Variants in C1orf159 observed in about 807,000 individuals in gnomAD.
C1orf159 encodes chromosome 1 open reading frame 159.
In C1orf159, 19 loss-of-function variants were observed where a neutral mutation model predicts 25.6. The observed-to-expected ratio is 0.74, with a 90% CI of 0.52 to 1.09. The LOEUF (loss-of-function observed/expected upper bound fraction) is 1.09, where lower values mean the gene tolerates loss of function less well. C1orf159 is among the 50% of genes least tolerant of loss of function. The probability of loss-of-function intolerance (pLI) is 0.00; values close to 1 mark genes in which losing one functional copy is unlikely to be tolerated. For missense variants in C1orf159, 274 were observed against 290.6 expected (o/e 0.94, Z 0.42); for synonymous variants, 139 against 124.7 (o/e 1.12, Z -0.77).
chr1:1,084,004 G>A (rs765344600), intron 9 of C1orf159: 21 of 1,605,110 alleles, frequency 1.3e-5, no homozygotes, highest in South Asian at 2.2e-5. Flanking sequence ...GTCTGTCCTC[G>A]GGTGGAGCTG....
intron 1 of C1orf159, among the ~76,000 whole-genome samples, chr1:1,099,383 T>C (rs12731087): frequency 2.8e-5 from 4 of 141,092 alleles, no homozygotes; most frequent in African/African-American, 8.3e-5. Context: ...GTTTTTGGTC[T>C]ATTCTAAGAA....
chr1:1,086,870 CTG>C (rs1444309376), intron 6 of C1orf159, among the ~76,000 whole-genome samples: 1 of 152,078 alleles, frequency 6.6e-6, no homozygotes, highest in Non-Finnish European at 1.5e-5. Context: ...TGGCTGTGAG[CTG>C]TGTGACCCTG....
At chr1:1,098,859 G>A (rs541151327) in intron 1 of C1orf159, among the ~76,000 whole-genome samples, 25 of 152,208 alleles carry the variant, frequency 1.6e-4, no homozygotes, top group Non-Finnish European at 2.4e-4. Context: ...TGATCCACCC[G>A]ACTCGGGCTC....
intron 1 of C1orf159, among the ~76,000 whole-genome samples, chr1:1,103,781 A>C (rs1424623396): frequency 2.0e-5 from 3 of 152,168 alleles, no homozygotes; most frequent in Non-Finnish European, 4.4e-5. Context: ...CCCAGGCAGA[A>C]ATGCAGTGGC....
At position 1,099,762 on chromosome 1, in the gene C1orf159, T is replaced by G. The variant is rs530198177; in HGVS notation, c.-135-7659A>C. 8.5e-5 allele frequency among the ~76,000 whole-genome samples: 13 copies of G among 152,214 alleles called. No homozygotes were observed. The East Asian group carries it at 2.5e-3, about 29-fold the overall frequency. ...ATTGTGGATTGTCTATTGCTGTTTT[T>G]GGTCTATTGTTCTAAGAATCGGAGA... is the stretch of plus-strand genomic sequence containing the variant. On this transcript the variant is annotated intron_variant, in intron 1 of 9. Transcript: ENST00000421241.
At chr1:1,104,861 G>A (rs1646150031) in intron 1 of C1orf159, among the ~76,000 whole-genome samples, 1 of 152,150 alleles carries the variant, frequency 6.6e-6, no homozygotes, top group East Asian at 1.9e-4. Context: ...GAGAACATGG[G>A]CTGAAAGGAT....
chr1:1,097,573 C>G (rs1374719541), intron 1 of C1orf159, among the ~76,000 whole-genome samples: 1 of 149,848 alleles, frequency 6.7e-6, no homozygotes, highest in Non-Finnish European at 1.5e-5. Context: ...CCACCACACC[C>G]AGCTCATTAA....
intron 1 of C1orf159, among the ~76,000 whole-genome samples, chr1:1,098,006 A>AGC (rs1646032990): frequency 1.3e-5 from 2 of 151,892 alleles, no homozygotes; most frequent in African/African-American, 4.8e-5. Flanking sequence ...TTTTGATGTT[A>AGC]TATTTTCATT....
intron 2 of C1orf159, 80 bp downstream of exon 2, chr1:1,091,911 C>A: frequency 2.2e-6 from 1 of 453,178 alleles, no homozygotes; most frequent in South Asian, 1.7e-5. Context: ...GAAGGTGGAG[C>A]CAAATGGAGG....
intron 1 of C1orf159, among the ~76,000 whole-genome samples, chr1:1,113,455 C>T (rs1415993679): frequency 3.3e-5 from 5 of 152,262 alleles, no homozygotes; most frequent in African/African-American, 9.6e-5. Flanking sequence ...TGCATCGTTG[C>T]GATCTCGGCT....
At chr1:1,091,663 G>A in intron 2 of C1orf159, 98 bp from the exon 3 acceptor site, 1 of 863,956 alleles carries the variant, frequency 1.2e-6, no homozygotes, top group East Asian at 2.7e-5. Flanking sequence ...ATGTTGGGGG[G>A]GTGCGGGCCA....
At chr1:1,115,620 TCCCTCCCCAGGGACCCCCTC>T (rs1445269351) in intron 1 of C1orf159, among the ~76,000 whole-genome samples, 2 of 12,956 alleles carry the variant, frequency 1.5e-4, no homozygotes, top group African/African-American at 2.8e-4. Context: ...GGGACCCCCC[TCCCTCCCCAGGGACCCCCTC>T]CCCTCCCCAG....
In C1orf159 at chr1:1,110,600, G is replaced by A. The variant is rs559382403; in HGVS notation, c.-136+5460C>T. Among the ~76,000 whole-genome samples the A allele has an allele frequency of 6.6e-6, 1 of 151,292 alleles. No homozygotes were observed. The highest frequency in any genetic ancestry group is 1.5e-5 in the Non-Finnish European group (1 of 68,022). ...AGCCTCCACGACCAAACGGCACTCA[G>A]CCTCTCGGCTGTGGGGACACACAGA... On this transcript the variant is annotated intron_variant, in intron 1 of 9. Coordinates refer to ENST00000421241, the MANE Select transcript of C1orf159 (RefSeq NM_017891.5). This position sits in a 1 kb window ranked among gnomAD's most constrained non-coding sequence, Gnocchi z 4.8.
intron 1 of C1orf159, chr1:1,106,905 T>A: frequency 6.6e-6 from 1 of 152,444 alleles, no homozygotes; most frequent in South Asian, 2.1e-4. Flanking sequence ...CAGTGAGGGG[T>A]TTAGCACCTG....
intron 4 of C1orf159, among the ~76,000 whole-genome samples, chr1:1,088,720 G>A (rs902086182): frequency 5.3e-5 from 8 of 152,068 alleles, no homozygotes; most frequent in African/African-American, 7.2e-5. Context: ...CTGCTGGTGC[G>A]GGCCACGGGT....
At chr1:1,115,423 C>T (rs1029968187) in intron 1 of C1orf159, among the ~76,000 whole-genome samples, 3 of 152,098 alleles carry the variant, frequency 2.0e-5, no homozygotes, top group Non-Finnish European at 4.4e-5. Context: ...CCCCCACTCC[C>T]GGCTGCCGGG....
chr1:1,116,036 G>C lies in C1orf159; in HGVS notation c.-136+24C>G, dbSNP rs1570349239. 1 of 151,770 alleles carries C rather than the reference G, an allele frequency of 6.6e-6. No individual in the cohort carries two copies. Among genetic ancestry groups the C allele is most frequent in the Non-Finnish European group, 1.5e-5 (1 of 68,088 alleles). 9.4% of individuals were successfully genotyped at this position (151,770 alleles called of 1,614,324 possible). On this transcript the variant is annotated intron_variant, in intron 1 of 9. Transcript: ENST00000421241. This position sits in a 1 kb window ranked among gnomAD's most constrained non-coding sequence, Gnocchi z 4.8. The stretch of plus-strand genomic sequence containing the variant: ...CAGCGCCCCAACCCGCTACCCTCAC[G>C]CCTGCCCCCAGCCCCTCACTCACCC...
At chr1:1,107,749 C>T (rs1646193829) in intron 1 of C1orf159, among the ~76,000 whole-genome samples, 3 of 152,226 alleles carry the variant, frequency 2.0e-5, no homozygotes, top group South Asian at 2.1e-4. Context: ...CTCGGGTCCC[C>T]TTCCACACTA....
chr1:1,084,534 C>T (rs55735342), intron 7 of C1orf159, 28 bp from the exon 8 acceptor site: 1 of 1,549,926 alleles, frequency 6.5e-7, no homozygotes, highest in Non-Finnish European at 8.7e-7. Context: ...GAGAGTCACC[C>T]TGGAGCCCAG....
Sources: allele counts gnomAD v4.1 joint callset (sites outside exome capture counted in the v4.1 genomes callset), GRCh38; gene constraint gnomAD v4.1.1; non-coding constraint Gnocchi (gnomAD v3.1); transcripts MANE v1.5; gene names NCBI Gene and HGNC (gene_info 2026-07-23, HGNC 2026-07-21).